ZNF143: variants seen among roughly 807,000 people sequenced by gnomAD.
ZNF143 encodes zinc finger protein 143.
ZNF143 carries 49 observed loss-of-function variants against 74.1 expected under a neutral mutation model. That is an observed-to-expected ratio of 0.66 (90% CI 0.53 to 0.84). ZNF143 has a LOEUF of 0.84. Ranked by LOEUF, ZNF143 falls within the 40% of genes least tolerant of loss-of-function variation. The probability of loss-of-function intolerance (pLI) is 0.00; values close to 1 mark genes in which losing one functional copy is unlikely to be tolerated. For missense variants in ZNF143, 637 were observed against 793.4 expected (o/e 0.80, Z 2.37); for synonymous variants, 304 against 282.8 (o/e 1.07, Z -0.75).
chr11:9,473,475 A>C (rs1446534390), intron 3 of ZNF143, among the ~76,000 whole-genome samples: 1 of 152,158 alleles, frequency 6.6e-6, no homozygotes, highest in Non-Finnish European at 1.5e-5. Flanking sequence ...GAAACAGCCA[A>C]GTCCTCAAAA....
intron 14 of ZNF143, among the ~76,000 whole-genome samples, chr11:9,521,260 TATTA>T (rs1472958944): frequency 6.6e-6 from 1 of 152,244 alleles, no homozygotes; most frequent in Non-Finnish European, 1.5e-5. Flanking sequence ...GATCATACTC[TATTA>T]GAGTATTTTT....
intron 7 of ZNF143, among the ~76,000 whole-genome samples, chr11:9,484,188 G>A (rs1362446999): frequency 6.6e-6 from 1 of 150,940 alleles, no homozygotes; most frequent in Non-Finnish European, 1.5e-5. Flanking sequence ...CCTAGTACTT[G>A]GTTTTTTGTG....
At chr11:9,504,262 G>GA (rs1848274611) in intron 11 of ZNF143, among the ~76,000 whole-genome samples, 1 of 75,028 alleles carries the variant, frequency 1.3e-5, no homozygotes, top group Non-Finnish European at 4.1e-5. Context: ...CCTGGCCAAA[G>GA]CATCTTTTTA....
chr11:9,461,212 T>G (rs1001446392), intron 1 of ZNF143, 136 bp downstream of exon 1: 15 of 441,862 alleles, frequency 3.4e-5, no homozygotes, highest in Admixed American at 6.4e-5. Flanking sequence ...CCTTGCCGAT[T>G]TTATGGGCCG....
At chr11:9,481,839 G>T (rs1847249610) in intron 7 of ZNF143, among the ~76,000 whole-genome samples, 1 of 145,140 alleles carries the variant, frequency 6.9e-6, no homozygotes, top group African/African-American at 2.6e-5. Context: ...AATGAGCCAA[G>T]ATTGTGCCAC....
intron 11 of ZNF143, among the ~76,000 whole-genome samples, chr11:9,507,132 G>C (rs1848392940): frequency 6.6e-6 from 1 of 152,216 alleles, no homozygotes; most frequent in South Asian, 2.1e-4. Flanking sequence ...TAAGACTTAT[G>C]TTACGGTACA....
At chr11:9,491,212 C>G (rs1053258655) in intron 7 of ZNF143, among the ~76,000 whole-genome samples, 3 of 152,050 alleles carry the variant, frequency 2.0e-5, no homozygotes, top group African/African-American at 7.2e-5. Context: ...TAGCAAGACT[C>G]CAGTCTCTTA....
Position 9,474,626 on chromosome 11 carries a change from C to T in ZNF143, c.366C>T (p.Thr122=). The change falls in exon 5 of 16, where the codon ACC becomes ACT. Residue 122 remains threonine (T), a synonymous_variant. Transcript: ENST00000396602. ...GTACCACAGCATTTATTCACCACAC[C>T]TCCAAAGGTAAAATAACTTTGAAAG... is the stretch of plus-strand genomic sequence containing the variant. The part of the protein sequence containing the change: ...EDGTTAFIHH[T]SKDSYDQSAL... 6.2e-7 allele frequency: 1 copy of T among 1,613,964 alleles called. No individual in the cohort carries two copies. The highest frequency in any genetic ancestry group is 8.5e-7 in the Non-Finnish European group (1 of 1,179,938).
At chr11:9,521,682 G>A (rs1282807449) in intron 14 of ZNF143, among the ~76,000 whole-genome samples, 2 of 151,050 alleles carry the variant, frequency 1.3e-5, no homozygotes, top group Admixed American at 1.3e-4. Flanking sequence ...GCTAAGTTTT[G>A]TTTTTGTAAG....
At chr11:9,475,286 G>T (rs1164681495) in intron 5 of ZNF143, among the ~76,000 whole-genome samples, 1 of 152,050 alleles carries the variant, frequency 6.6e-6, no homozygotes, top group Non-Finnish European at 1.5e-5. Context: ...CTGTATTTTA[G>T]AGATAAGATC....
chr11:9,486,397 ATATAT>A (rs1172120670), intron 7 of ZNF143, among the ~76,000 whole-genome samples: 19 of 9,934 alleles, frequency 1.9e-3, no homozygotes, highest in African/African-American at 4.9e-3. Flanking sequence ...AATATATATA[ATATAT>A]TATATATATA....
At chr11:9,463,009 C>T (rs575334972) in intron 1 of ZNF143, among the ~76,000 whole-genome samples, 12 of 152,348 alleles carry the variant, frequency 7.9e-5, no homozygotes, top group African/African-American at 2.6e-4. Flanking sequence ...GTCCCCTCCA[C>T]CCCACTACTA....
chr11:9,483,288 CTTTTTTTTT>C (rs58704619), intron 7 of ZNF143, among the ~76,000 whole-genome samples: 39 of 50,206 alleles, frequency 7.8e-4, no homozygotes, highest in Admixed American at 4.2e-3. Flanking sequence ...GCCAACATGC[CTTTTTTTTT>C]TTTTTTTTTT....
chr11:9,475,336 T>C (rs1270985909), intron 5 of ZNF143, among the ~76,000 whole-genome samples: 1 of 151,974 alleles, frequency 6.6e-6, no homozygotes, highest in East Asian at 1.9e-4. Flanking sequence ...CATAGCTCAC[T>C]ATAGCCCTGA....
chr11:9,474,191 G>T (rs544401647), intron 4 of ZNF143, among the ~76,000 whole-genome samples, 167 bp downstream of exon 4: 3 of 152,244 alleles, frequency 2.0e-5, no homozygotes, highest in African/African-American at 7.2e-5. Flanking sequence ...AGACTTTCTC[G>T]TAAAGATAAT....
chr11:9,480,657 G>T (rs868188506), intron 7 of ZNF143, among the ~76,000 whole-genome samples: 1 of 152,030 alleles, frequency 6.6e-6, no homozygotes, highest in Non-Finnish European at 1.5e-5. Flanking sequence ...AGGCTGAGGC[G>T]GATGGATGAC....
chr11:9,478,618 A>G, intron 6 of ZNF143, 32 bp downstream of exon 6: 6 of 1,564,332 alleles, frequency 3.8e-6, no homozygotes, highest in Non-Finnish European at 5.2e-6. Flanking sequence ...AGAATGTTGC[A>G]GATATAGCTT....
intron 1 of ZNF143, among the ~76,000 whole-genome samples, chr11:9,461,460 A>G (rs755801205): frequency 4.0e-4 from 61 of 152,098 alleles, no homozygotes; most frequent in Non-Finnish European, 7.2e-4. Context: ...GCGAGTCCCC[A>G]GGCGCCGCCG....
At chr11:9,485,016 C>T (rs1847412583) in intron 7 of ZNF143, among the ~76,000 whole-genome samples, 1 of 148,824 alleles carries the variant, frequency 6.7e-6, no homozygotes, top group South Asian at 2.1e-4. Flanking sequence ...CCAGGATGGT[C>T]TCCATCTCCT....
Sources: gnomAD v4.1 joint callset for allele counts (sites outside exome capture counted in the v4.1 genomes callset) on GRCh38, gnomAD v4.1.1 for gene constraint, MANE v1.5 for transcripts, NCBI Gene and HGNC (gene_info 2026-07-23, HGNC 2026-07-21) for gene names.